The following PTPRM variants were observed in gnomAD, a reference collection of about 807,000 sequenced individuals.
PTPRM encodes the protein protein tyrosine phosphatase receptor type M, also known as receptor-type tyrosine-protein phosphatase mu.
PTPRM carries 47 observed loss-of-function variants against 186.7 expected under a neutral mutation model. The ratio of observed to expected loss-of-function variants is 0.25; its 90% CI spans 0.20 to 0.32. The LOEUF (loss-of-function observed/expected upper bound fraction) is 0.32, where lower values mean the gene tolerates loss of function less well. PTPRM is among the 10% of genes least tolerant of loss of function. PTPRM has a pLI of 1.00. For missense variants in PTPRM, 1,494 were observed against 1,865.0 expected (o/e 0.80, Z 3.66); for synonymous variants, 668 against 674.9 (o/e 0.99, Z 0.16).
At chr18:7,927,699 T>C (rs899399129) in intron 5 of PTPRM, among the ~76,000 whole-genome samples, 2 of 152,164 alleles carry the variant, frequency 1.3e-5, no homozygotes, top group Admixed American at 1.3e-4. Flanking sequence ...TCTGTAATTT[T>C]TAAATCCTTC....
At position 8,296,309 on chromosome 18, in the gene PTPRM, G is replaced by A. The variant is rs529115865; in HGVS notation, c.2755-59G>A. 430 of 1,090,912 alleles carry A rather than the reference G, an allele frequency of 3.9e-4. 1 individual carries two copies. The African/African-American group carries it at 5.8e-3, about 15-fold the overall frequency. 67.6% of individuals were successfully genotyped at this position (1,090,912 alleles called of 1,614,324 possible). A position where few individuals can be genotyped will look rare whatever the true frequency, so the allele number is the denominator to read the frequency against. ...ACGTTTTTTAAGAACATCCTCCATCGTTAAGATCCCTCTGTTTACTGCGCC... is the reference window on the plus strand; with the variant it reads ...ACGTTTTTTAAGAACATCCTCCATCATTAAGATCCCTCTGTTTACTGCGCC... On this transcript the variant is annotated intron_variant, in intron 19 of 32. Transcript: ENST00000580170.
intron 14 of PTPRM, among the ~76,000 whole-genome samples, chr18:8,233,224 G>A (rs1243865126): frequency 5.9e-5 from 9 of 152,216 alleles, no homozygotes; most frequent in South Asian, 2.1e-4. Context: ...ACAGGCGTAA[G>A]CCACTGTGCC....
chr18:8,129,471 C>T (rs1238768695), intron 13 of PTPRM, among the ~76,000 whole-genome samples: 1 of 151,972 alleles, frequency 6.6e-6, no homozygotes, highest in Non-Finnish European at 1.5e-5. Flanking sequence ...GAAATTATTA[C>T]TACAATTTAA....
At chr18:8,112,263 A>T (rs927332610) in intron 11 of PTPRM, among the ~76,000 whole-genome samples, 7 of 152,250 alleles carry the variant, frequency 4.6e-5, no homozygotes, top group Non-Finnish European at 1.0e-4. Context: ...AAATGGCAGC[A>T]CACATTTTGT....
At position 8,280,070 on chromosome 18, in the gene PTPRM, G is replaced by T. The variant is rs113046277; in HGVS notation, c.2755-16298G>T. On this transcript the variant is annotated intron_variant, in intron 19 of 32. Transcript: ENST00000580170. Reference sequence around the variant, plus strand: ...GCATCTCTAAGAGTGGGAAGTGTACGCATCTGCTAGGGCTGCTAGACTGGG... The same window carrying T: ...GCATCTCTAAGAGTGGGAAGTGTACTCATCTGCTAGGGCTGCTAGACTGGG... Among the ~76,000 whole-genome samples, 793 of 152,140 alleles carry T rather than the reference G, an allele frequency of 5.2e-3. 5 individuals carry two copies. Among genetic ancestry groups the T allele is most frequent in the African/African-American group, 0.018 (741 of 41,536 alleles).
intron 14 of PTPRM, among the ~76,000 whole-genome samples, chr18:8,212,443 G>T (rs973144983): frequency 2.6e-5 from 4 of 151,956 alleles, no homozygotes; most frequent in Non-Finnish European, 5.9e-5. Context: ...CCCAGTGTGT[G>T]TGTATACACA....
intron 22 of PTPRM, among the ~76,000 whole-genome samples, chr18:8,321,801 ACATAT>A (rs2095347733): frequency 6.6e-6 from 1 of 152,204 alleles, no homozygotes; most frequent in Non-Finnish European, 1.5e-5. Context: ...TCAAGAATAT[ACATAT>A]CATATTAAGA....
At chr18:8,079,844 A>G (rs796999228) in intron 9 of PTPRM, among the ~76,000 whole-genome samples, 31 of 152,122 alleles carry the variant, frequency 2.0e-4, no homozygotes, top group African/African-American at 7.2e-4. Flanking sequence ...CTGAGTACAA[A>G]CAGAAGACTT....
chr18:8,113,864 C>A lies in PTPRM; in HGVS notation c.2130+105C>A. On this transcript the variant is annotated intron_variant, in intron 12 of 32. Coordinates refer to ENST00000580170, the MANE Select transcript of PTPRM (RefSeq NM_001105244.2). The stretch of plus-strand genomic sequence containing the variant: ...ATGGAAGTCATGCTTTTCTGCATTT[C>A]TACTTGTAAACAAATGTGATTTTCT... 6.9e-6 allele frequency: 8 copies of A among 1,154,462 alleles called. No homozygotes were observed. In the South Asian group the frequency reaches 1.1e-4, roughly 16 times the overall value. 71.5% of individuals were successfully genotyped at this position (1,154,462 alleles called of 1,614,324 possible).
intron 11 of PTPRM, among the ~76,000 whole-genome samples, chr18:8,101,933 T>G (rs1443438186): frequency 6.6e-6 from 1 of 152,214 alleles, no homozygotes; most frequent in Non-Finnish European, 1.5e-5. Context: ...TCTTTTCTAG[T>G]ACAGGCATAT....
At chr18:7,890,317 C>T (rs777303385) in intron 3 of PTPRM, among the ~76,000 whole-genome samples, 4 of 152,228 alleles carry the variant, frequency 2.6e-5, no homozygotes, top group Admixed American at 1.3e-4. Flanking sequence ...TCCAGGGCTG[C>T]TTGTCTTCAA....
At chr18:8,178,403 A>G (rs987016836) in intron 14 of PTPRM, among the ~76,000 whole-genome samples, 1 of 152,210 alleles carries the variant, frequency 6.6e-6, no homozygotes, top group Non-Finnish European at 1.5e-5. Flanking sequence ...TGTTTGCAAA[A>G]TAAGCTTTAG....
At chr18:7,709,125 C>T (rs929276953) in intron 1 of PTPRM, among the ~76,000 whole-genome samples, 2 of 152,064 alleles carry the variant, frequency 1.3e-5, no homozygotes, top group Non-Finnish European at 2.9e-5. Flanking sequence ...TTCATCAGCA[C>T]GTGGAACATT....
intron 1 of PTPRM, among the ~76,000 whole-genome samples, chr18:7,733,975 T>G (rs888169766): frequency 2.6e-5 from 4 of 152,244 alleles, no homozygotes; most frequent in Admixed American, 2.6e-4. Flanking sequence ...GGGATTTGGC[T>G]GTCTGCTGCC....
chr18:8,350,013 C>T (rs2095525986), intron 23 of PTPRM, among the ~76,000 whole-genome samples: 1 of 152,232 alleles, frequency 6.6e-6, no homozygotes. Context: ...ACAGAGTTAC[C>T]TACAGGTTGA....
At chr18:8,287,858 C>A (rs35704308) in intron 19 of PTPRM, among the ~76,000 whole-genome samples, 80 of 152,302 alleles carry the variant, frequency 5.3e-4, no homozygotes, top group Non-Finnish European at 9.8e-4. Flanking sequence ...ATACTTTCAG[C>A]TGCCTCTAAA....
chr18:8,368,530 C>T (rs2095645771), intron 23 of PTPRM, among the ~76,000 whole-genome samples: 1 of 152,168 alleles, frequency 6.6e-6, no homozygotes, highest in Admixed American at 6.5e-5. Flanking sequence ...TCCTGCTTTA[C>T]AGTATCTGCA....
intron 1 of PTPRM, among the ~76,000 whole-genome samples, chr18:7,651,206 A>G (rs1437786703): frequency 1.3e-5 from 2 of 152,134 alleles, no homozygotes; most frequent in African/African-American, 2.4e-5. Flanking sequence ...TACAGGTGTT[A>G]GCCACCGCGC....
intron 1 of PTPRM, among the ~76,000 whole-genome samples, chr18:7,662,684 TTGTACATTTAAAAATAACAAGTATAATTG>T (rs1209898122): frequency 6.6e-6 from 1 of 152,126 alleles, no homozygotes; most frequent in East Asian, 1.9e-4. Flanking sequence ...AATAATTTAA[TTGTACATTTAAAAATAACAAGTATAATTG>T]AATTGTTTGT....
Sources: gnomAD v4.1 joint callset for allele counts (sites outside exome capture counted in the v4.1 genomes callset) on GRCh38, gnomAD v4.1.1 for gene constraint, MANE v1.5 for transcripts, NCBI Gene and HGNC (gene_info 2026-07-23, HGNC 2026-07-21) for gene names.